CELF4: variants seen among roughly 807,000 people sequenced by gnomAD.
The protein encoded by CELF4 is CUGBP Elav-like family member 4, also known as CUG-BP- and ETR-3-like factor 4.
CELF4 carries 18 observed loss-of-function variants against 59.9 expected under a neutral mutation model. The ratio of observed to expected loss-of-function variants is 0.30; its 90% CI spans 0.21 to 0.45. CELF4 has a LOEUF of 0.45. Ranked by LOEUF, CELF4 falls within the 20% of genes least tolerant of loss-of-function variation. The probability of loss-of-function intolerance (pLI) is 1.00; values close to 1 mark genes in which losing one functional copy is unlikely to be tolerated. For missense variants in CELF4, 456 were observed against 689.0 expected, an observed-to-expected ratio of 0.66 and a Z score of 3.79; for synonymous variants, 261 against 267.1, an observed-to-expected ratio of 0.98 and a Z score of 0.22.
At chr18:37,282,257 G>A (rs77607987) in intron 3 of CELF4, among the ~76,000 whole-genome samples, 2,859 of 151,972 alleles carry the variant, frequency 0.019, 94 homozygotes, top group African/African-American at 0.066. Context: ...ACATCAAACT[G>A]AGCAAAGTTG....
intron 2 of CELF4, among the ~76,000 whole-genome samples, chr18:37,424,469 G>A (rs568035615): frequency 5.5e-4 from 84 of 152,306 alleles, no homozygotes; most frequent in Non-Finnish European, 1.0e-3. Flanking sequence ...CTTCCACCCC[G>A]TGTGGCCTTA....
chr18:37,490,282 AG>A (rs1304499306), intron 1 of CELF4, among the ~76,000 whole-genome samples: 2 of 152,108 alleles, frequency 1.3e-5, no homozygotes, highest in Non-Finnish European at 2.9e-5. Flanking sequence ...GGTGGGGAGT[AG>A]GGGGGTATGT....
chr18:37,565,739 T>C lies in CELF4; in HGVS notation c.-98A>G. 1.0e-6 allele frequency: 1 copy of C among 977,446 alleles called. No individual in the cohort carries two copies. Among genetic ancestry groups the C allele is most frequent in the Middle Eastern group, 3.2e-4 (1 of 3,172 alleles). The allele number at this position is 977,446 out of a possible 1,614,324, so 60.5% of individuals were successfully genotyped here. A position where few individuals can be genotyped will look rare whatever the true frequency, so the allele number is the denominator to read the frequency against. On this transcript the variant is annotated 5_prime_UTR_variant, in exon 1 of 13. Transcript: ENST00000420428. The stretch of plus-strand genomic sequence containing the variant: ...CACACACGCACACGCATACACACAC[T>C]CGGGTTCTCTCCCCCTCGGTTTCTC...
At chr18:37,407,710 T>C (rs1468860954) in intron 2 of CELF4, among the ~76,000 whole-genome samples, 1 of 151,932 alleles carries the variant, frequency 6.6e-6, no homozygotes, top group Admixed American at 6.6e-5. Flanking sequence ...TGCAGTCTGG[T>C]TTAATATACG....
intron 1 of CELF4, among the ~76,000 whole-genome samples, chr18:37,521,683 G>A (rs746702272): frequency 1.3e-5 from 2 of 152,122 alleles, no homozygotes; most frequent in African/African-American, 4.8e-5. Flanking sequence ...TGTCTCCCGC[G>A]TGACATTTTC....
At chr18:37,369,925 C>G (rs897291567) in intron 2 of CELF4, among the ~76,000 whole-genome samples, 3 of 152,266 alleles carry the variant, frequency 2.0e-5, no homozygotes, top group Non-Finnish European at 4.4e-5. Flanking sequence ...CCTCCTGGCT[C>G]TGGGGCCTTG....
intron 1 of CELF4, among the ~76,000 whole-genome samples, chr18:37,519,040 G>A (rs1322555622): frequency 6.6e-6 from 1 of 152,132 alleles, no homozygotes; most frequent in South Asian, 2.1e-4. Flanking sequence ...AGTTTGAATT[G>A]AACCAAGTAA....
chr18:37,461,613 A>C (rs1283674135), intron 2 of CELF4, among the ~76,000 whole-genome samples: 1 of 152,216 alleles, frequency 6.6e-6, no homozygotes, highest in Non-Finnish European at 1.5e-5. Flanking sequence ...TAACCATATC[A>C]GATGGAGTGG....
At chr18:37,518,073 C>T (rs1311004133) in intron 1 of CELF4, among the ~76,000 whole-genome samples, 1 of 152,130 alleles carries the variant, frequency 6.6e-6, no homozygotes, top group African/African-American at 2.4e-5. Context: ...CATGGGGAGA[C>T]CTGACCAGCA....
intron 2 of CELF4, among the ~76,000 whole-genome samples, chr18:37,368,942 C>A (rs7237447): frequency 0.24 from 35,884 of 152,162 alleles, 4,398 homozygotes; most frequent in East Asian, 0.32. Context: ...TGCATACAAG[C>A]CTGCACACAT....
chr18:37,509,290 T>C (rs146947391), intron 1 of CELF4, among the ~76,000 whole-genome samples: 1 of 152,374 alleles, frequency 6.6e-6, no homozygotes, highest in African/African-American at 2.4e-5. Flanking sequence ...GTAGGTATTT[T>C]GAGTTCTGCA....
chr18:37,282,146 T>C (rs1042145653), intron 3 of CELF4, among the ~76,000 whole-genome samples: 1 of 152,158 alleles, frequency 6.6e-6, no homozygotes, highest in Non-Finnish European at 1.5e-5. Flanking sequence ...CCAGTTATTG[T>C]GAATGTTGTA....
chr18:37,344,648 T>C (rs994308838), intron 2 of CELF4, among the ~76,000 whole-genome samples: 3 of 152,266 alleles, frequency 2.0e-5, no homozygotes, highest in Non-Finnish European at 4.4e-5. Context: ...ACCATGCATA[T>C]GTGCACAGCT....
rs546758011 is a variant in CELF4, at chr18:37,471,221, G to T, written c.369+14304C>A. 6.9e-4 allele frequency among the ~76,000 whole-genome samples: 105 copies of T among 152,188 alleles called. 1 individual carries two copies. The highest frequency in any genetic ancestry group is 2.2e-3 in the African/African-American group (90 of 41,532). ...GCTGCTCCTGGAAAGGGGGACTGAG[G>T]CAGGCTCTCCACTGGCCTCAGCTCC... On this transcript the variant is annotated intron_variant, in intron 2 of 12. Transcript: ENST00000420428.
At chr18:37,366,701 A>G (rs1603629049) in intron 2 of CELF4, among the ~76,000 whole-genome samples, 1 of 152,208 alleles carries the variant, frequency 6.6e-6, no homozygotes, top group Non-Finnish European at 1.5e-5. Context: ...CGCCACTATC[A>G]TTGGAAGACA....
At chr18:37,404,994 AC>A (rs1412585850) in intron 2 of CELF4, among the ~76,000 whole-genome samples, 2 of 151,952 alleles carry the variant, frequency 1.3e-5, no homozygotes, top group Admixed American at 6.6e-5. Flanking sequence ...ACAAAACAAA[AC>A]AAAAAAAAGT....
chr18:37,327,815 C>A (rs1158454797), intron 2 of CELF4, among the ~76,000 whole-genome samples: 1 of 152,176 alleles, frequency 6.6e-6, no homozygotes, highest in African/African-American at 2.4e-5. Context: ...CCCAGCAGGG[C>A]CCCCTCACCC....
rs2154242292 is a variant in CELF4 at position 37,244,521 on chromosome 18, CT to C, written c.*720del. 6.6e-6 allele frequency: 1 copy of C among 152,488 alleles called. No individual in the cohort carries two copies. The highest frequency in any genetic ancestry group is 2.1e-4 in the South Asian group (1 of 4,810). The allele number at this position is 152,488 out of a possible 1,614,324, so 9.4% of individuals were successfully genotyped here. ...TCTCAAAGTATCAAAGAACTATTAT[CT>C]TGCTGTTTTAAAAGCATTGAAGCGT... On this transcript the variant is annotated 3_prime_UTR_variant, in exon 13 of 13. Transcript: ENST00000420428.
chr18:37,384,920 C>T (rs1028284263), intron 2 of CELF4, among the ~76,000 whole-genome samples: 1 of 152,206 alleles, frequency 6.6e-6, no homozygotes, highest in Non-Finnish European at 1.5e-5. Flanking sequence ...CCTCATTAAA[C>T]TTACTAATGA....
Sources: allele counts gnomAD v4.1 joint callset (sites outside exome capture counted in the v4.1 genomes callset), GRCh38; gene constraint gnomAD v4.1.1; transcripts MANE v1.5; gene names NCBI Gene and HGNC (gene_info 2026-07-23, HGNC 2026-07-21).